Variants in DMRTA1 observed in about 807,000 individuals in gnomAD.
DMRTA1 encodes DMRT like family A1.
A neutral mutation model predicts 35.2 loss-of-function variants in DMRTA1; 34 were observed. That is an observed-to-expected ratio of 0.97 (90% CI 0.74 to 1.29). DMRTA1 has a LOEUF of 1.29. DMRTA1 is among the 50% of genes most tolerant of loss of function. The pLI, the probability that DMRTA1 is intolerant of heterozygous loss-of-function variation, is 0.00. For missense variants in DMRTA1, 824 were observed against 644.6 expected (o/e 1.28, Z -3.01); for synonymous variants, 344 against 276.6 (o/e 1.24, Z -2.42).
At position 22,447,134 on chromosome 9, in the gene DMRTA1, A is replaced by G; in HGVS notation, c.69A>G (p.Leu23=). 6.2e-7 allele frequency: 1 copy of G among 1,605,818 alleles called. No homozygotes were observed. Among genetic ancestry groups the G allele is most frequent in the African/African-American group, 1.4e-5 (1 of 73,892 alleles). Residue 23 remains leucine (L), a synonymous_variant, in exon 1 of 2, where the codon CTA becomes CTG. Transcript: ENST00000325870. ...GCCGACCTCACTTGGCCCCTGGGCT[A>G]GTGGTGGCTGCCCCTCCGCCCCCGT... The part of the protein sequence containing the change: ...VSGRPHLAPG[L]VVAAPPPPSP...
At position 22,452,194 on chromosome 9, in the gene DMRTA1, T is replaced by C. The variant is rs909702832; in HGVS notation, c.*283T>C. 3.7e-6 allele frequency: 1 copy of C among 272,822 alleles called. No homozygotes were observed. Among genetic ancestry groups the C allele is most frequent in the Non-Finnish European group, 6.8e-6 (1 of 146,382 alleles). 16.9% of individuals were successfully genotyped at this position (272,822 alleles called of 1,614,324 possible). On this transcript the variant is annotated 3_prime_UTR_variant, in exon 2 of 2. Coordinates refer to ENST00000325870, the MANE Select transcript of DMRTA1 (RefSeq NM_022160.3). ...ATGAATTTTCTCCCTAAATTATCAT[T>C]TGTAAACATTTTTATTTTAAAACTA...
In DMRTA1 at chr9:22,452,617, A is replaced by T. The variant is rs1268666962; in HGVS notation, c.*706A>T. 1 of 152,178 alleles carries T rather than the reference A, an allele frequency of 6.6e-6. No individual in the cohort carries two copies. Among genetic ancestry groups the T allele is most frequent in the Non-Finnish European group, 1.5e-5 (1 of 68,012 alleles). The allele number at this position is 152,178 out of a possible 1,614,324, so 9.4% of individuals were successfully genotyped here. On this transcript the variant is annotated 3_prime_UTR_variant, in exon 2 of 2. Transcript: ENST00000325870. ...AATAAGACTGCGCCATCTCCTGGCC[A>T]CTATCGCCAATTGCAACTGAGCTCT...
In DMRTA1 at chr9:22,451,606, G is replaced by T. The variant is rs142702676; in HGVS notation, c.1210G>T (p.Gly404Cys). The T allele has an allele frequency of 5.0e-6, 8 of 1,614,112 alleles. No individual in the cohort carries two copies. Among genetic ancestry groups the T allele is most frequent in the Admixed American group, 1.7e-5 (1 of 60,018 alleles). Reference sequence around the variant, plus strand: ...TGCTGGAATTGGTTTTGGAACTCTAGGTAATAAATCAGCTTTCTCTCCTCT... The same window carrying T: ...TGCTGGAATTGGTTTTGGAACTCTATGTAATAAATCAGCTTTCTCTCCTCT... ...SLAGIGFGTL[G>C]NKSAFSPLQT... The change falls in exon 2 of 2, where the codon GGT (glycine) becomes TGT (cysteine). Residue 404 changes from glycine (G) to cysteine (C), a missense_variant. Transcript: ENST00000325870.
In DMRTA1 at chr9:22,451,285, T is replaced by C. The variant is rs1818922392; in HGVS notation, c.889T>C (p.Ser297Pro). 1.9e-6 allele frequency: 3 copies of C among 1,614,070 alleles called. No homozygotes were observed. The highest frequency in any genetic ancestry group is 1.7e-6 in the Non-Finnish European group (2 of 1,179,966). Residue 297 changes from serine to proline, a missense_variant, in exon 2 of 2, where the codon TCC becomes CCC. Ser to Pro is a moderately conservative substitution (Grantham distance 74, BLOSUM62 -1). Coordinates refer to ENST00000325870, the MANE Select transcript of DMRTA1 (RefSeq NM_022160.3). ...TGAAGAGAGTCCCAGGTCCTTATCA[T>C]CCTCTGATCTGGAATCAGGAAATGA... ...GGEESPRSLS[S>P]SDLESGNESE...
rs756489645 is a variant in DMRTA1, at chr9:22,451,692, A to G, written c.1296A>G (p.Val432=). Residue 432 remains valine (V), a synonymous_variant, in exon 2 of 2, where the codon GTA becomes GTG. Coordinates refer to ENST00000325870, the MANE Select transcript of DMRTA1 (RefSeq NM_022160.3). The part of the protein sequence containing the change: ...DSSLYGVNPR[V]GISPLRLAYS... ...GTCTCTACGGCGTAAATCCTAGAGT[A>G]GGTATCAGTCCATTAAGGCTGGCAT... The G allele has an allele frequency of 2.5e-6, 4 of 1,614,148 alleles. No individual in the cohort carries two copies. Among genetic ancestry groups the G allele is most frequent in the Non-Finnish European group, 3.4e-6 (4 of 1,179,966 alleles).
rs1207936341 is a variant in DMRTA1 at position 22,454,815 on chromosome 9, T to G, written c.*2904T>G. 1 of 151,832 alleles carries G rather than the reference T, an allele frequency of 6.6e-6. No homozygotes were observed. The highest frequency in any genetic ancestry group is 1.5e-5 in the Non-Finnish European group (1 of 67,968). 9.4% of individuals were successfully genotyped at this position (151,832 alleles called of 1,614,324 possible). A position where few individuals can be genotyped will look rare whatever the true frequency, so the allele number is the denominator to read the frequency against. On this transcript the variant is annotated 3_prime_UTR_variant, in exon 2 of 2. Transcript: ENST00000325870. The stretch of plus-strand genomic sequence containing the variant: ...TTCACAGTTAACAGCTGTCCAAGAG[T>G]GTAGTGGCTGCCTCGTATGATAAAG...
intron 1 of DMRTA1, among the ~76,000 whole-genome samples, chr9:22,450,493 C>T (rs1348291153): frequency 2.0e-5 from 3 of 151,926 alleles, no homozygotes; most frequent in South Asian, 2.1e-4. Context: ...ATGAAATGAA[C>T]AGTTTTTTTT....
chr9:22,450,722 C>T (rs1028866760), intron 1 of DMRTA1, among the ~76,000 whole-genome samples: 2 of 152,120 alleles, frequency 1.3e-5, no homozygotes, highest in African/African-American at 4.8e-5. Flanking sequence ...AGATCCCACA[C>T]AACCAAGATA....
rs538575811 is a variant in DMRTA1 at position 22,453,517 on chromosome 9, T to C, written c.*1606T>C. 1.1e-4 allele frequency: 16 copies of C among 152,244 alleles called. No individual in the cohort carries two copies. In the East Asian group the frequency reaches 3.1e-3, roughly 29 times the overall value. 9.4% of individuals were successfully genotyped at this position (152,244 alleles called of 1,614,324 possible). A position where few individuals can be genotyped will look rare whatever the true frequency, so the allele number is the denominator to read the frequency against. The stretch of plus-strand genomic sequence containing the variant: ...GGTGTGAATATAAGAAAGCAGATCT[T>C]GAAAAATTTCGATGTACTCAATATT... On this transcript the variant is annotated 3_prime_UTR_variant, in exon 2 of 2. Coordinates refer to ENST00000325870, the MANE Select transcript of DMRTA1 (RefSeq NM_022160.3).
At position 22,454,081 on chromosome 9, in the gene DMRTA1, C is replaced by A. The variant is rs1406002878; in HGVS notation, c.*2170C>A. 6.6e-6 allele frequency: 1 copy of A among 152,162 alleles called. No individual in the cohort carries two copies. The highest frequency in any genetic ancestry group is 2.1e-4 in the South Asian group (1 of 4,822). The allele number at this position is 152,162 out of a possible 1,614,324, so 9.4% of individuals were successfully genotyped here. On this transcript the variant is annotated 3_prime_UTR_variant, in exon 2 of 2. Coordinates refer to ENST00000325870, the MANE Select transcript of DMRTA1 (RefSeq NM_022160.3). ...AAAACTTAATTTATATAATGCCTTACACATTCCATACTCTTTATAATAATT... is the reference window on the plus strand; with the variant it reads ...AAAACTTAATTTATATAATGCCTTAAACATTCCATACTCTTTATAATAATT...
Position 22,454,488 on chromosome 9 carries a change from CTT to C in DMRTA1, c.*2579_*2580del, listed in dbSNP as rs773680018. ...ATAAAGAAATGATTAAGATACAAGA[CTT>C]TGCCTCAAGTTGCTCACGGTCTATA... On this transcript the variant is annotated 3_prime_UTR_variant, in exon 2 of 2. Transcript: ENST00000325870. 6.6e-6 allele frequency: 1 copy of C among 152,182 alleles called. No individual in the cohort carries two copies. Among genetic ancestry groups the C allele is most frequent in the Non-Finnish European group, 1.5e-5 (1 of 68,004 alleles). The allele number at this position is 152,182 out of a possible 1,614,324, so 9.4% of individuals were successfully genotyped here. A position where few individuals can be genotyped will look rare whatever the true frequency, so the allele number is the denominator to read the frequency against.
Position 22,447,622 on chromosome 9 carries a change from G to A in DMRTA1, c.557G>A (p.Gly186Asp). 1.2e-6 allele frequency: 2 copies of A among 1,611,014 alleles called. No individual in the cohort carries two copies. Among genetic ancestry groups the A allele is most frequent in the Non-Finnish European group, 1.7e-6 (2 of 1,179,538 alleles). Residue 186 changes from glycine to aspartate, a missense_variant, in exon 1 of 2, where the codon GGC becomes GAC. Transcript: ENST00000325870. ...AGAGCCGAGAATCCACAGTCCACGG[G>A]CGGCCCTGCGGCGGGGGCTGCGCTG... ...GGRAENPQST[G>D]GPAAGAALGL...
rs996806522 is a variant in DMRTA1 at position 22,452,601 on chromosome 9, G to T, written c.*690G>T. 1.3e-5 allele frequency: 2 copies of T among 152,152 alleles called. No individual in the cohort carries two copies. Among genetic ancestry groups the T allele is most frequent in the Non-Finnish European group, 2.9e-5 (2 of 68,022 alleles). 9.4% of individuals were successfully genotyped at this position (152,152 alleles called of 1,614,324 possible). ...GAAGTAAATTTTAGGAAATAAGACTGCGCCATCTCCTGGCCACTATCGCCA... is the reference window on the plus strand; with the variant it reads ...GAAGTAAATTTTAGGAAATAAGACTTCGCCATCTCCTGGCCACTATCGCCA... On this transcript the variant is annotated 3_prime_UTR_variant, in exon 2 of 2. Transcript: ENST00000325870.
intron 1 of DMRTA1, among the ~76,000 whole-genome samples, chr9:22,450,466 A>G (rs1486670249): frequency 6.6e-6 from 1 of 152,180 alleles, no homozygotes; most frequent in East Asian, 1.9e-4. Flanking sequence ...AATAGTACTT[A>G]TTGGTTTAAA....
In DMRTA1 at chr9:22,451,733, G is replaced by T; in HGVS notation, c.1337G>T (p.Arg446Ile). Residue 446 changes from arginine to isoleucine, a missense_variant, in exon 2 of 2, where the codon AGA (arginine) becomes ATA (isoleucine). Coordinates refer to ENST00000325870, the MANE Select transcript of DMRTA1 (RefSeq NM_022160.3). Reference sequence around the variant, plus strand: ...AGGCTGGCATATTCTTCTGCAGGAAGAGGGTTATCTGGTTTTATGTCACCC... The same window carrying T: ...AGGCTGGCATATTCTTCTGCAGGAATAGGGTTATCTGGTTTTATGTCACCC... ...PLRLAYSSAGRGLSGFMSPYL... is the reference protein window; with the variant it reads ...PLRLAYSSAGIGLSGFMSPYL... 1.2e-6 allele frequency: 2 copies of T among 1,614,104 alleles called. No individual in the cohort carries two copies. The highest frequency in any genetic ancestry group is 1.3e-5 in the African/African-American group (1 of 75,064).
Position 22,447,193 on chromosome 9 carries a change from T to A in DMRTA1, c.128T>A (p.Val43Asp), listed in dbSNP as rs1053839191. The A allele has an allele frequency of 1.3e-6, 2 of 1,592,978 alleles. No homozygotes were observed. Among genetic ancestry groups the A allele is most frequent in the Non-Finnish European group, 8.5e-7 (1 of 1,172,156 alleles). Residue 43 changes from valine (V) to aspartate (D), a missense_variant, in exon 1 of 2, where the codon GTT (valine) becomes GAT (aspartate). By Grantham distance (152) the Val-to-Asp change is radical. Transcript: ENST00000325870. ...PALPVPSGMQ[V>D]PPAFLRPPSL... is the part of the protein sequence containing the mutation. ...TTGCCGGTACCATCGGGGATGCAGG[T>A]TCCCCCAGCGTTCCTGCGGCCGCCC...
Position 22,447,079 on chromosome 9 carries a change from A to G in DMRTA1, c.14A>G (p.Gln5Arg). 6.2e-7 allele frequency: 1 copy of G among 1,609,244 alleles called. No homozygotes were observed. Among genetic ancestry groups the G allele is most frequent in the Non-Finnish European group, 8.5e-7 (1 of 1,178,512 alleles). Residue 5 changes from glutamine (Q) to arginine (R), a missense_variant, in exon 1 of 2, where the codon CAG becomes CGG. Coordinates refer to ENST00000325870, the MANE Select transcript of DMRTA1 (RefSeq NM_022160.3). ...AATTTCTCGGGAATGGAGCGGTCAC[A>G]GTGTGGCAGCAGAGACCGAGGCGTT... MERS[Q>R]CGSRDRGVSG...
intron 1 of DMRTA1, among the ~76,000 whole-genome samples, chr9:22,448,887 A>G (rs1169168897): frequency 6.6e-6 from 1 of 152,194 alleles, no homozygotes; most frequent in Non-Finnish European, 1.5e-5. Context: ...GGCAAAACAG[A>G]CTTTCTACAA....
In DMRTA1 at chr9:22,454,084, AT is replaced by A. The variant is rs1308642342; in HGVS notation, c.*2175del. ...ACTTAATTTATATAATGCCTTACAC[AT>A]TCCATACTCTTTATAATAATTTAAG... On this transcript the variant is annotated 3_prime_UTR_variant, in exon 2 of 2. Coordinates refer to ENST00000325870, the MANE Select transcript of DMRTA1 (RefSeq NM_022160.3). 1 of 152,118 alleles carries A rather than the reference AT, an allele frequency of 6.6e-6. No homozygotes were observed. The highest frequency in any genetic ancestry group is 2.4e-5 in the African/African-American group (1 of 41,426). 9.4% of individuals were successfully genotyped at this position (152,118 alleles called of 1,614,324 possible).
Sources: gnomAD v4.1 joint callset for allele counts (sites outside exome capture counted in the v4.1 genomes callset) on GRCh38, gnomAD v4.1.1 for gene constraint, MANE v1.5 for transcripts, NCBI Gene and HGNC (gene_info 2026-07-23, HGNC 2026-07-21) for gene names.